The following DCLK2 variants were observed in gnomAD, a reference collection of about 807,000 sequenced individuals.
DCLK2 encodes doublecortin like kinase 2, also known as serine/threonine-protein kinase DCLK2.
DCLK2 carries 31 observed loss-of-function variants against 78.4 expected under a neutral mutation model. That is an observed-to-expected ratio of 0.40 (90% CI 0.30 to 0.53). The LOEUF is 0.53. Ranked by LOEUF, DCLK2 falls within the 20% of genes least tolerant of loss-of-function variation. The probability of loss-of-function intolerance (pLI) is 0.61; values close to 1 mark genes in which losing one functional copy is unlikely to be tolerated. For missense variants in DCLK2, 872 were observed against 973.7 expected, an observed-to-expected ratio of 0.90 and a Z score of 1.39; for synonymous variants, 407 against 374.9, an observed-to-expected ratio of 1.09 and a Z score of -0.99.
chr4:150,144,758 A>G (rs1734343778), intron 2 of DCLK2, among the ~76,000 whole-genome samples: 1 of 151,950 alleles, frequency 6.6e-6, no homozygotes, highest in Admixed American at 6.6e-5. Context: ...GCATTTTTAA[A>G]AAGATTATTT....
intron 4 of DCLK2, among the ~76,000 whole-genome samples, chr4:150,201,900 T>C (rs539433525): frequency 9.8e-5 from 15 of 152,346 alleles, no homozygotes; most frequent in African/African-American, 3.6e-4. Flanking sequence ...TGAATTCCAT[T>C]GAAAAAGATT....
At chr4:150,107,767 A>G (rs1019962732) in intron 2 of DCLK2, among the ~76,000 whole-genome samples, 2 of 152,080 alleles carry the variant, frequency 1.3e-5, no homozygotes, top group African/African-American at 4.8e-5. Context: ...TTTGCAGGGG[A>G]TTAGATAAAG....
rs1017302997 is a variant in DCLK2, at chr4:150,078,895, C to A, written c.-133C>A. 17 of 1,218,934 alleles carry A rather than the reference C, an allele frequency of 1.4e-5. No individual in the cohort carries two copies. The highest frequency in any genetic ancestry group is 1.6e-5 in the Non-Finnish European group (15 of 920,762). The allele number at this position is 1,218,934 out of a possible 1,614,324, so 75.5% of individuals were successfully genotyped here. Reference sequence around the variant, plus strand: ...CCGCGGCTCCTCGGCCCCACCTGCGCGGAGAGGGCGGGATGCCAGAGCCAG... The same window carrying A: ...CCGCGGCTCCTCGGCCCCACCTGCGAGGAGAGGGCGGGATGCCAGAGCCAG... On this transcript the variant is annotated 5_prime_UTR_variant, in exon 1 of 16. Transcript: ENST00000296550.
intron 7 of DCLK2, 58 bp from the exon 8 acceptor site, chr4:150,224,443 C>T: frequency 4.2e-6 from 6 of 1,413,276 alleles, no homozygotes; most frequent in Non-Finnish European, 5.8e-6. Context: ...AGAAAGAAAA[C>T]AGGAATGATG....
chr4:150,132,856 G>A (rs7688261), intron 2 of DCLK2, among the ~76,000 whole-genome samples: 35,681 of 152,090 alleles, frequency 0.23, 4,575 homozygotes, highest in African/African-American at 0.34. Flanking sequence ...TCAAACTCCT[G>A]TGCTCAAACT....
At chr4:150,112,818 G>C (rs1182477888) in intron 2 of DCLK2, among the ~76,000 whole-genome samples, 58 of 91,912 alleles carry the variant, frequency 6.3e-4, no homozygotes, top group South Asian at 3.0e-3. Flanking sequence ...TTCTTTCCCC[G>C]CCCCCCGCCC....
At position 150,216,902 on chromosome 4, in the gene DCLK2, A is replaced by G. The variant is rs117367883; in HGVS notation, c.1057-3801A>G. On this transcript the variant is annotated intron_variant, in intron 5 of 15. Coordinates refer to ENST00000296550, the MANE Select transcript of DCLK2 (RefSeq NM_001040260.4). Reference sequence around the variant, plus strand: ...TGCTGTCTTTCTGAACCAGTTGGCAATTATGAATGGCATCCTGAAAAACCG... The same window carrying G: ...TGCTGTCTTTCTGAACCAGTTGGCAGTTATGAATGGCATCCTGAAAAACCG... Among the ~76,000 whole-genome samples, 9 of 152,262 alleles carry G rather than the reference A, an allele frequency of 5.9e-5. No individual in the cohort carries two copies. The East Asian group carries it at 1.7e-3, about 29-fold the overall frequency.
intron 8 of DCLK2, among the ~76,000 whole-genome samples, chr4:150,226,921 T>C (rs1302172927): frequency 6.6e-6 from 1 of 152,180 alleles, no homozygotes; most frequent in Non-Finnish European, 1.5e-5. Flanking sequence ...TGTTTTGGAG[T>C]GTTGGCCACC....
chr4:150,079,415 C>A lies in DCLK2; in HGVS notation c.388C>A (p.Arg130=). ...CACTATCTACACCATCGACGGCAGCCGGAAGGTCACCAGCCTGGACGAGCT... is the reference window on the plus strand; with the variant it reads ...CACTATCTACACCATCGACGGCAGCAGGAAGGTCACCAGCCTGGACGAGCT... ...VRTIYTIDGS[R]KVTSLDELLE... The change falls in exon 1 of 16, where the codon CGG becomes AGG. Residue 130 remains arginine (R), a synonymous_variant. Transcript: ENST00000296550. 6.4e-7 allele frequency: 1 copy of A among 1,554,030 alleles called. No homozygotes were observed. The highest frequency in any genetic ancestry group is 2.4e-5 in the East Asian group (1 of 41,900).
At chr4:150,120,310 A>G (rs1007686789) in intron 2 of DCLK2, among the ~76,000 whole-genome samples, 4 of 152,188 alleles carry the variant, frequency 2.6e-5, no homozygotes, top group African/African-American at 7.2e-5. Flanking sequence ...TCAAAATTTT[A>G]TATGTGACCA....
intron 1 of DCLK2, among the ~76,000 whole-genome samples, chr4:150,101,611 A>T (rs1347803236): frequency 6.6e-6 from 1 of 152,118 alleles, no homozygotes; most frequent in Non-Finnish European, 1.5e-5. Context: ...GGTGATTCTG[A>T]CTTTCCTAAA....
chr4:150,131,581 G>A (rs1332364481), intron 2 of DCLK2, among the ~76,000 whole-genome samples: 1 of 152,018 alleles, frequency 6.6e-6, no homozygotes, highest in Non-Finnish European at 1.5e-5. Flanking sequence ...AAAATAATTG[G>A]GGTCCCCTCT....
chr4:150,085,615 C>T (rs1729583722), intron 1 of DCLK2, among the ~76,000 whole-genome samples: 1 of 152,082 alleles, frequency 6.6e-6, no homozygotes, highest in Non-Finnish European at 1.5e-5. Flanking sequence ...GTGTTCAACC[C>T]ACAGCAGGAG....
At chr4:150,120,762 C>T (rs1732472051) in intron 2 of DCLK2, among the ~76,000 whole-genome samples, 3 of 152,074 alleles carry the variant, frequency 2.0e-5, no homozygotes, top group Admixed American at 1.3e-4. Context: ...AATGTACCTA[C>T]GTTAATTTAA....
At chr4:150,239,597 T>G in intron 10 of DCLK2, 145 bp from the exon 11 acceptor site, 1 of 1,105,730 alleles carries the variant, frequency 9.0e-7, no homozygotes, top group Admixed American at 2.3e-5. Context: ...CGAGACCGTG[T>G]CTTCAAAAAA....
At chr4:150,222,025 T>C (rs374489667) in intron 7 of DCLK2, among the ~76,000 whole-genome samples, 1 of 152,170 alleles carries the variant, frequency 6.6e-6, no homozygotes, top group South Asian at 2.1e-4. Flanking sequence ...AGGGTCTCAC[T>C]CTGTTACCCA....
At chr4:150,253,349 C>A (rs557019528) in intron 15 of DCLK2, 22 of 1,013,026 alleles carry the variant, frequency 2.2e-5, no homozygotes, top group Non-Finnish European at 3.0e-5. Flanking sequence ...TCTGCTGTCA[C>A]CCTAGTGTTC....
At chr4:150,221,961 G>A (rs1052922439) in intron 7 of DCLK2, among the ~76,000 whole-genome samples, 176 bp downstream of exon 7, 4 of 150,406 alleles carry the variant, frequency 2.7e-5, no homozygotes, top group African/African-American at 9.8e-5. Flanking sequence ...CTTTCCTTTT[G>A]TTGTTTGTTT....
rs531738816 is a variant in DCLK2, at chr4:150,197,305, A to G, written c.860-697A>G. On this transcript the variant is annotated intron_variant, in intron 3 of 15. Transcript: ENST00000296550. ...AGGCAGTCAAGAAGTTGGAGAGCATAATAAAATTGTAGTCTTTGCCTATCA... is the reference window on the plus strand; with the variant it reads ...AGGCAGTCAAGAAGTTGGAGAGCATGATAAAATTGTAGTCTTTGCCTATCA... 5.3e-5 allele frequency among the ~76,000 whole-genome samples: 8 copies of G among 152,368 alleles called. No homozygotes were observed. The South Asian group carries it at 1.7e-3, about 32-fold the overall frequency.
Sources: allele counts gnomAD v4.1 joint callset (sites outside exome capture counted in the v4.1 genomes callset), GRCh38; gene constraint gnomAD v4.1.1; transcripts MANE v1.5; gene names NCBI Gene and HGNC (gene_info 2026-07-23, HGNC 2026-07-21).